Variants in LCLAT1 observed in about 807,000 individuals in gnomAD.
LCLAT1 encodes lysocardiolipin acyltransferase 1.
Under a neutral mutation model 30.7 loss-of-function variants are expected in LCLAT1, and 11 were observed. The observed-to-expected ratio is 0.36, with a 90% CI of 0.23 to 0.59. The LOEUF is 0.59. LCLAT1 is among the 20% of genes least tolerant of loss of function. LCLAT1 has a pLI of 0.77. For missense variants in LCLAT1, 402 were observed against 458.6 expected, an observed-to-expected ratio of 0.88 and a Z score of 1.13; for synonymous variants, 155 against 151.3, an observed-to-expected ratio of 1.02 and a Z score of -0.18.
chr2:30,476,507 G>C (rs946029413), intron 1 of LCLAT1: 1 of 456,446 alleles, frequency 2.2e-6, no homozygotes. Context: ...GCTTGCAGGG[G>C]ATCTAGGTTG....
At chr2:30,559,196 T>A (rs1261746214) in intron 3 of LCLAT1, among the ~76,000 whole-genome samples, 1 of 152,210 alleles carries the variant, frequency 6.6e-6, no homozygotes, top group Non-Finnish European at 1.5e-5. Context: ...AAGTATTGAC[T>A]GGAAATAGGA....
At chr2:30,522,570 T>C (rs982935306) in intron 1 of LCLAT1, among the ~76,000 whole-genome samples, 2 of 152,228 alleles carry the variant, frequency 1.3e-5, no homozygotes, top group African/African-American at 4.8e-5. Context: ...TTCTGTCATA[T>C]TCACTGTTGT....
At chr2:30,502,561 C>T (rs990377194) in intron 1 of LCLAT1, among the ~76,000 whole-genome samples, 1 of 152,128 alleles carries the variant, frequency 6.6e-6, no homozygotes, top group African/African-American at 2.4e-5. Context: ...AACCACTGGT[C>T]TGCTCTCTGT....
At position 30,640,268 on chromosome 2, in the gene LCLAT1, G is replaced by A. The variant is rs755106742; in HGVS notation, c.780G>A (p.Glu260=). The A allele has an allele frequency of 1.9e-6, 3 of 1,614,168 alleles. No individual in the cohort carries two copies. The African/African-American group carries it at 4.0e-5, about 22-fold the overall frequency. The change falls in exon 6 of 6, where the codon GAG becomes GAA. Residue 260 remains glutamate, a synonymous_variant. Coordinates refer to ENST00000379509, the MANE Select transcript of LCLAT1 (RefSeq NM_001002257.3). The part of the protein sequence containing the change: ...YPIDTLPTSK[E]DLQLWCHKRW... ...TAGACACCCTCCCCACATCCAAGGAGGACCTTCAACTCTGGTGCCACAAAC... is the reference window on the plus strand; with the variant it reads ...TAGACACCCTCCCCACATCCAAGGAAGACCTTCAACTCTGGTGCCACAAAC...
intron 1 of LCLAT1, among the ~76,000 whole-genome samples, chr2:30,488,737 A>G (rs1683685892): frequency 1.3e-5 from 2 of 152,260 alleles, no homozygotes; most frequent in East Asian, 3.9e-4. Flanking sequence ...AGAGCTAGAG[A>G]GGGTCTTGGA....
intron 1 of LCLAT1, chr2:30,459,800 A>G (rs1682021052): frequency 1.0e-6 from 1 of 954,866 alleles, no homozygotes. Flanking sequence ...TTTTGAATTG[A>G]TCATAGTTTG....
At chr2:30,456,955 G>C (rs1402762042) in intron 1 of LCLAT1, among the ~76,000 whole-genome samples, 1 of 152,216 alleles carries the variant, frequency 6.6e-6, no homozygotes, top group African/African-American at 2.4e-5. Flanking sequence ...TGAGATGCAT[G>C]AATTAGCCAG....
At chr2:30,448,454 A>G (rs1681377384) in intron 1 of LCLAT1, among the ~76,000 whole-genome samples, 1 of 152,238 alleles carries the variant, frequency 6.6e-6, no homozygotes, top group Non-Finnish European at 1.5e-5. Flanking sequence ...AGATAAGCAT[A>G]ATGTTAACTG....
Position 30,640,829 on chromosome 2 carries a change from C to A in LCLAT1, c.*210C>A. 1.9e-6 allele frequency: 1 copy of A among 533,104 alleles called. No homozygotes were observed. Among genetic ancestry groups the A allele is most frequent in the Non-Finnish European group, 3.2e-6 (1 of 312,934 alleles). The allele number at this position is 533,104 out of a possible 1,614,324, so 33.0% of individuals were successfully genotyped here. A position where few individuals can be genotyped will look rare whatever the true frequency, so the allele number is the denominator to read the frequency against. On this transcript the variant is annotated 3_prime_UTR_variant, in exon 6 of 6. Coordinates refer to ENST00000379509, the MANE Select transcript of LCLAT1 (RefSeq NM_001002257.3). Reference sequence around the variant, plus strand: ...TGTAATTTCGATACTGTGTACATAGCAGGGAGTGATCGGGGTGAAATAACT... The same window carrying A: ...TGTAATTTCGATACTGTGTACATAGAAGGGAGTGATCGGGGTGAAATAACT...
intron 1 of LCLAT1, among the ~76,000 whole-genome samples, chr2:30,504,424 A>G (rs1430432476): frequency 2.0e-5 from 3 of 152,182 alleles, no homozygotes; most frequent in Non-Finnish European, 4.4e-5. Context: ...TGATGGTTTT[A>G]TTAGGCTCAG....
chr2:30,524,933 G>GTAGTTTT (rs1158961443), intron 1 of LCLAT1, among the ~76,000 whole-genome samples: 1 of 151,816 alleles, frequency 6.6e-6, no homozygotes, highest in East Asian at 1.9e-4. Context: ...AAACTCATCT[G>GTAGTTTT]TAGTTTTTAG....
At chr2:30,590,220 G>A (rs1380792419) in intron 5 of LCLAT1, among the ~76,000 whole-genome samples, 1 of 151,992 alleles carries the variant, frequency 6.6e-6, no homozygotes, top group African/African-American at 2.4e-5. Flanking sequence ...GAGAACATTT[G>A]TGAGTGAAGA....
intron 3 of LCLAT1, among the ~76,000 whole-genome samples, chr2:30,541,430 G>A (rs1664129260): frequency 7.3e-6 from 1 of 136,202 alleles, no homozygotes; most frequent in African/African-American, 2.5e-5. Context: ...AAAAAATCTA[G>A]GAGAAAGAGA....
chr2:30,494,567 C>G (rs1037855386), intron 1 of LCLAT1, among the ~76,000 whole-genome samples: 3 of 150,866 alleles, frequency 2.0e-5, no homozygotes, highest in African/African-American at 7.3e-5. Context: ...TACGTGCATA[C>G]ACACATGCAT....
At chr2:30,616,385 AG>A (rs1292822411) in intron 5 of LCLAT1, among the ~76,000 whole-genome samples, 1 of 152,148 alleles carries the variant, frequency 6.6e-6, no homozygotes, top group Non-Finnish European at 1.5e-5. Context: ...GAGGAATTGA[AG>A]GGTGCAAGAG....
intron 5 of LCLAT1, among the ~76,000 whole-genome samples, chr2:30,635,850 AGAT>A (rs752784861): frequency 6.6e-6 from 1 of 152,268 alleles, no homozygotes; most frequent in African/African-American, 2.4e-5. Context: ...CTATATTTTT[AGAT>A]GAGAAGATAG....
At chr2:30,573,131 G>C (rs1348460234) in intron 5 of LCLAT1, among the ~76,000 whole-genome samples, 1 of 152,164 alleles carries the variant, frequency 6.6e-6, no homozygotes, top group Non-Finnish European at 1.5e-5. Flanking sequence ...AGAAACTGTT[G>C]TGCAAGCCAG....
intron 5 of LCLAT1, among the ~76,000 whole-genome samples, chr2:30,598,021 T>C (rs1468646529): frequency 6.6e-6 from 1 of 152,230 alleles, no homozygotes; most frequent in Non-Finnish European, 1.5e-5. Context: ...AGTTTTTTGA[T>C]AGGCTGCTGG....
chr2:30,595,047 T>G (rs971350015), intron 5 of LCLAT1, among the ~76,000 whole-genome samples: 4 of 152,212 alleles, frequency 2.6e-5, no homozygotes, highest in Non-Finnish European at 5.9e-5. Flanking sequence ...TTTTTAAACA[T>G]TAATTTTAAT....
Sources: gnomAD v4.1 joint callset for allele counts (sites outside exome capture counted in the v4.1 genomes callset) on GRCh38, gnomAD v4.1.1 for gene constraint, MANE v1.5 for transcripts, NCBI Gene and HGNC (gene_info 2026-07-23, HGNC 2026-07-21) for gene names.